GRM7: variants seen among roughly 807,000 people sequenced by gnomAD.
The protein encoded by GRM7 is glutamate metabotropic receptor 7, also known as metabotropic glutamate receptor 7.
A neutral mutation model predicts 84.5 loss-of-function variants in GRM7; 35 were observed. That is an observed-to-expected ratio of 0.41 (90% CI 0.32 to 0.55). The LOEUF (loss-of-function observed/expected upper bound fraction) is 0.55, where lower values mean the gene tolerates loss of function less well. Among genes scored for constraint, GRM7 ranks in the 20% least tolerant of loss-of-function variants. GRM7 has a pLI of 0.19. For synonymous variants in GRM7, 487 were observed against 455.1 expected, an observed-to-expected ratio of 1.07 and a Z score of -0.89; for missense variants, 1,003 against 1,194.6, an observed-to-expected ratio of 0.84 and a Z score of 2.36.
chr3:7,009,140 C>T (rs1695285303), intron 1 of GRM7, among the ~76,000 whole-genome samples: 1 of 152,196 alleles, frequency 6.6e-6, no homozygotes. Context: ...AAGCCAGTTC[C>T]TACCAGTCTG....
chr3:7,438,564 A>T (rs976570793), intron 5 of GRM7, among the ~76,000 whole-genome samples: 1 of 152,100 alleles, frequency 6.6e-6, no homozygotes, highest in African/African-American at 2.4e-5. Context: ...ACATAGAGAA[A>T]CACCACTCCA....
rs112544280 is a variant in GRM7, at chr3:7,285,404, C to G, written c.737-13280C>G. Among the ~76,000 whole-genome samples, 264 of 152,190 alleles carry G rather than the reference C, an allele frequency of 1.7e-3. 2 individuals carry two copies. The highest frequency in any genetic ancestry group is 6.0e-3 in the African/African-American group (248 of 41,540). ...CATCCCAGTGTGTCTCCAATCAAAC[C>G]TGTGTTGTTATCGTGTGTTTTATTG... On this transcript the variant is annotated intron_variant, in intron 2 of 9. Coordinates refer to ENST00000357716, the MANE Select transcript of GRM7 (RefSeq NM_000844.4).
intron 1 of GRM7, among the ~76,000 whole-genome samples, chr3:7,059,620 A>C (rs1197473682): frequency 2.0e-5 from 3 of 151,550 alleles, no homozygotes; most frequent in Admixed American, 2.0e-4. Flanking sequence ...ATCTCCCCCA[A>C]ATTTGTATGT....
chr3:7,071,225 G>C (rs1450225530), intron 1 of GRM7, among the ~76,000 whole-genome samples: 1 of 152,036 alleles, frequency 6.6e-6, no homozygotes, highest in East Asian at 1.9e-4. Flanking sequence ...TTTCCACTTT[G>C]GAGTAGACTA....
rs575259742 is a variant in GRM7, at chr3:7,391,493, G to GT, written c.1034-23530_1034-23529insT. ...CAAACACTGCATGTTCTCACTCATA[G>GT]GTGGGAACTGAACAATGAGAACACT... On this transcript the variant is annotated intron_variant, in intron 4 of 9. Coordinates refer to ENST00000357716, the MANE Select transcript of GRM7 (RefSeq NM_000844.4). 5.7e-3 allele frequency among the ~76,000 whole-genome samples: 861 copies of GT among 152,208 alleles called. 12 individuals carry two copies. Among genetic ancestry groups the GT allele is most frequent in the African/African-American group, 0.02 (812 of 41,524 alleles).
chr3:6,861,252 C>T lies in GRM7; in HGVS notation c.-137C>T, dbSNP rs1452816794. On this transcript the variant is annotated 5_prime_UTR_variant, in exon 1 of 10. Coordinates refer to ENST00000357716, the MANE Select transcript of GRM7 (RefSeq NM_000844.4). The surrounding 1 kb of genome is among the most constrained non-coding windows in gnomAD (Gnocchi z 6.4). Reference sequence around the variant, plus strand: ...CCTCACCCTCTCTGGTCGCCCCTCCCCGGATTCCCCCACCCTCCGTGCCTG... The same window carrying T: ...CCTCACCCTCTCTGGTCGCCCCTCCTCGGATTCCCCCACCCTCCGTGCCTG... 4.2e-6 allele frequency: 3 copies of T among 709,876 alleles called. No homozygotes were observed. The highest frequency in any genetic ancestry group is 3.8e-5 in the African/African-American group (2 of 53,118). 44.0% of individuals were successfully genotyped at this position (709,876 alleles called of 1,614,324 possible). A position where few individuals can be genotyped will look rare whatever the true frequency, so the allele number is the denominator to read the frequency against.
At chr3:7,201,248 G>C (rs531725729) in intron 2 of GRM7, among the ~76,000 whole-genome samples, 1 of 151,950 alleles carries the variant, frequency 6.6e-6, no homozygotes, top group Non-Finnish European at 1.5e-5. Context: ...AGAATATTGA[G>C]TTTCAGGGAG....
At chr3:7,735,681 A>C (rs948353971) in intron 9 of GRM7, among the ~76,000 whole-genome samples, 1 of 152,136 alleles carries the variant, frequency 6.6e-6, no homozygotes, top group Non-Finnish European at 1.5e-5. Context: ...GTAACATCCC[A>C]CATAATTATG....
At chr3:7,655,909 T>A (rs562980011) in intron 8 of GRM7, among the ~76,000 whole-genome samples, 1 of 152,212 alleles carries the variant, frequency 6.6e-6, no homozygotes, top group African/African-American at 2.4e-5. Context: ...AGGAACCATG[T>A]GTAAGAAAGA....
intron 1 of GRM7, among the ~76,000 whole-genome samples, chr3:6,952,722 GT>G (rs1438917775): frequency 6.6e-6 from 1 of 151,982 alleles, no homozygotes; most frequent in Non-Finnish European, 1.5e-5. Flanking sequence ...TTTTTGTTTT[GT>G]TTTGTTTTTG....
At chr3:6,906,892 A>G (rs1696597653) in intron 1 of GRM7, among the ~76,000 whole-genome samples, 1 of 152,182 alleles carries the variant, frequency 6.6e-6, no homozygotes, top group African/African-American at 2.4e-5. Context: ...TATACAAAGA[A>G]CTGCACATAT....
At chr3:7,306,982 G>A (rs1320523076) in intron 4 of GRM7, among the ~76,000 whole-genome samples, 1 of 152,120 alleles carries the variant, frequency 6.6e-6, no homozygotes, top group Non-Finnish European at 1.5e-5. Flanking sequence ...AGTGAGCTAC[G>A]TTTTCCAAGA....
intron 1 of GRM7, among the ~76,000 whole-genome samples, chr3:6,934,533 G>A (rs918438552): frequency 2.6e-5 from 4 of 152,140 alleles, no homozygotes; most frequent in Middle Eastern, 3.2e-3. Flanking sequence ...GAAGACATTA[G>A]AATGAGTGTA....
At chr3:7,018,997 T>C (rs1024105079) in intron 1 of GRM7, among the ~76,000 whole-genome samples, 2 of 152,162 alleles carry the variant, frequency 1.3e-5, no homozygotes, top group Non-Finnish European at 2.9e-5. Flanking sequence ...CTTGGTAGGA[T>C]GAGGCAGGAG....
intron 4 of GRM7, among the ~76,000 whole-genome samples, chr3:7,350,069 A>G (rs184539703): frequency 6.6e-6 from 1 of 152,206 alleles, no homozygotes; most frequent in African/African-American, 2.4e-5. Flanking sequence ...TGCTGGGATT[A>G]TTGACCCTTG....
chr3:7,135,571 C>A (rs1176013221), intron 1 of GRM7, among the ~76,000 whole-genome samples: 1 of 152,122 alleles, frequency 6.6e-6, no homozygotes, highest in African/African-American at 2.4e-5. Context: ...CCCCCAGGAA[C>A]AAATGAACCA....
At chr3:7,201,829 T>A (rs1233061896) in intron 2 of GRM7, among the ~76,000 whole-genome samples, 1 of 152,218 alleles carries the variant, frequency 6.6e-6, no homozygotes, top group African/African-American at 2.4e-5. Flanking sequence ...CTGTATTTAA[T>A]TAGGCTCTAT....
intron 1 of GRM7, among the ~76,000 whole-genome samples, chr3:7,034,052 A>G (rs1312226305): frequency 1.3e-5 from 2 of 152,146 alleles, no homozygotes; most frequent in African/African-American, 4.8e-5. Context: ...TATGGATCTG[A>G]TTATAGATAC....
intron 9 of GRM7, among the ~76,000 whole-genome samples, chr3:7,731,926 C>T (rs2106527442): frequency 6.6e-6 from 1 of 152,276 alleles, no homozygotes; most frequent in Middle Eastern, 3.4e-3. Flanking sequence ...CATCTGTTAC[C>T]TGGCCACTCC....
Sources: gnomAD v4.1 joint callset for allele counts (sites outside exome capture counted in the v4.1 genomes callset) on GRCh38, gnomAD v4.1.1 for gene constraint, Gnocchi (gnomAD v3.1) non-coding constraint, MANE v1.5 for transcripts, NCBI Gene and HGNC (gene_info 2026-07-23, HGNC 2026-07-21) for gene names.